Variants in ASTN2 observed in about 807,000 individuals in gnomAD.
ASTN2 encodes astrotactin-2.
Under a neutral mutation model 139.8 loss-of-function variants are expected in ASTN2, and 54 were observed. The ratio of observed to expected loss-of-function variants is 0.39; its 90% CI spans 0.31 to 0.48. The LOEUF (loss-of-function observed/expected upper bound fraction) is 0.48, where lower values mean the gene tolerates loss of function less well. Among genes scored for constraint, ASTN2 ranks in the 20% least tolerant of loss-of-function variants. The pLI is 0.95. For synonymous variants in ASTN2, 756 were observed against 719.5 expected (o/e 1.05, Z -0.81); for missense variants, 1,565 against 1,725.1 (o/e 0.91, Z 1.64).
At chr9:116,706,873 A>C (rs562771948) in intron 16 of ASTN2, among the ~76,000 whole-genome samples, 33 of 146,946 alleles carry the variant, frequency 2.2e-4, no homozygotes, top group African/African-American at 7.1e-4. Context: ...AGATGTGCTC[A>C]GCTAAGTTGG....
intron 22 of ASTN2, among the ~76,000 whole-genome samples, chr9:116,438,090 G>T (rs1847715287): frequency 6.6e-6 from 1 of 152,164 alleles, no homozygotes; most frequent in African/African-American, 2.4e-5. Flanking sequence ...TGGTCATTTT[G>T]AAGTTTTTAA....
chr9:116,738,109 G>A (rs557178380), intron 13 of ASTN2, among the ~76,000 whole-genome samples: 8 of 149,032 alleles, frequency 5.4e-5, no homozygotes, highest in South Asian at 2.2e-4. Flanking sequence ...GGAGAATGGC[G>A]TGAACCCGGG....
At chr9:117,164,425 A>T (rs1344192912) in intron 3 of ASTN2, among the ~76,000 whole-genome samples, 1 of 152,120 alleles carries the variant, frequency 6.6e-6, no homozygotes, top group Non-Finnish European at 1.5e-5. Context: ...AGTGAACAGA[A>T]GCCTGGAGGA....
At chr9:117,090,754 G>A (rs1465479813) in intron 5 of ASTN2, among the ~76,000 whole-genome samples, 1 of 152,222 alleles carries the variant, frequency 6.6e-6, no homozygotes, top group Non-Finnish European at 1.5e-5. Flanking sequence ...CCACATGGAA[G>A]GGATGACAAG....
rs1834340587 is a variant in ASTN2, at chr9:116,912,493, G to A, written c.1890-48760C>T. On this transcript the variant is annotated intron_variant, in intron 10 of 22. Transcript: ENST00000313400. ...AAGAACTTCTCATGTTTAATTTATA[G>A]GCTGGTTTAGGTAGTTGAATTTTAA... Among the ~76,000 whole-genome samples, 6 of 152,322 alleles carry A rather than the reference G, an allele frequency of 3.9e-5. No homozygotes were observed. The South Asian group carries it at 1.2e-3, about 32-fold the overall frequency.
intron 11 of ASTN2, among the ~76,000 whole-genome samples, chr9:116,834,121 T>G (rs192946487): frequency 6.6e-6 from 1 of 152,364 alleles, no homozygotes; most frequent in African/African-American, 2.4e-5. Context: ...GCTCTGTTAT[T>G]GCTTTCTTGT....
At chr9:116,996,686 C>T (rs899180284) in intron 7 of ASTN2, among the ~76,000 whole-genome samples, 1 of 152,016 alleles carries the variant, frequency 6.6e-6, no homozygotes, top group African/African-American at 2.4e-5. Context: ...GAAATGACTC[C>T]CCATTAACAA....
intron 3 of ASTN2, among the ~76,000 whole-genome samples, chr9:117,144,262 G>A (rs369623080): frequency 3.3e-5 from 5 of 152,112 alleles, no homozygotes; most frequent in South Asian, 2.1e-4. Context: ...CCAGAAGTAC[G>A]AGAAAATAAA....
At chr9:117,111,032 G>A (rs78600848) in intron 4 of ASTN2, among the ~76,000 whole-genome samples, 1,650 of 152,276 alleles carry the variant, frequency 0.011, 26 homozygotes, top group East Asian at 0.09. Flanking sequence ...AATAAAACAC[G>A]GAGATTTGAG....
chr9:116,826,599 C>T (rs1278437119), intron 11 of ASTN2, among the ~76,000 whole-genome samples: 4 of 152,118 alleles, frequency 2.6e-5, no homozygotes, highest in South Asian at 4.2e-4. Flanking sequence ...GGTTGCTCTA[C>T]CACCATCATT....
At chr9:116,450,363 A>G (rs1479615267) in intron 20 of ASTN2, among the ~76,000 whole-genome samples, 2 of 152,216 alleles carry the variant, frequency 1.3e-5, no homozygotes, top group Non-Finnish European at 2.9e-5. Context: ...TACTGAATGT[A>G]GTATCATTTG....
At chr9:116,793,067 A>G (rs1293000997) in intron 13 of ASTN2, among the ~76,000 whole-genome samples, 3 of 152,114 alleles carry the variant, frequency 2.0e-5, no homozygotes, top group Non-Finnish European at 4.4e-5. Context: ...TACCCAGGTA[A>G]AAAACCTGCA....
intron 13 of ASTN2, among the ~76,000 whole-genome samples, chr9:116,795,443 A>G (rs868480809): frequency 6.6e-6 from 1 of 152,116 alleles, no homozygotes; most frequent in African/African-American, 2.4e-5. Flanking sequence ...GTTCAGACAG[A>G]AAAAAAAGGA....
intron 19 of ASTN2, among the ~76,000 whole-genome samples, chr9:116,492,083 CTCT>C (rs1849532663): frequency 6.8e-6 from 1 of 147,824 alleles, no homozygotes; most frequent in Non-Finnish European, 1.5e-5. Flanking sequence ...TTGTTTTTCT[CTCT>C]TTTTTTTTTT....
At chr9:116,838,644 C>G (rs1310452082) in intron 11 of ASTN2, among the ~76,000 whole-genome samples, 2 of 147,574 alleles carry the variant, frequency 1.4e-5, no homozygotes, top group African/African-American at 5.0e-5. Context: ...AGGCTGATCT[C>G]GAACTCCTGA....
chr9:116,573,966 A>G (rs773831199), intron 19 of ASTN2, among the ~76,000 whole-genome samples: 3 of 152,232 alleles, frequency 2.0e-5, no homozygotes, highest in Non-Finnish European at 4.4e-5. Context: ...GGTATAAAAA[A>G]TGTGGACAAG....
intron 2 of ASTN2, 25 bp downstream of exon 2, chr9:117,291,301 C>T (rs768503025): frequency 5.0e-6 from 8 of 1,613,284 alleles, no homozygotes; most frequent in Non-Finnish European, 5.9e-6. Flanking sequence ...ATCCCCGACC[C>T]CGGTCACATC....
At chr9:117,002,226 C>A (rs1049277633) in intron 7 of ASTN2, among the ~76,000 whole-genome samples, 4 of 152,142 alleles carry the variant, frequency 2.6e-5, no homozygotes, top group African/African-American at 9.7e-5. Context: ...CAAACAGTAA[C>A]TCAAGTTTTA....
At chr9:117,413,995 G>A (rs1437957715) in intron 1 of ASTN2, among the ~76,000 whole-genome samples, 1 of 152,204 alleles carries the variant, frequency 6.6e-6, no homozygotes, top group Non-Finnish European at 1.5e-5. Flanking sequence ...TGCGGGTTGA[G>A]CGATTCCACA....
Sources: allele counts gnomAD v4.1 joint callset (sites outside exome capture counted in the v4.1 genomes callset), GRCh38; gene constraint gnomAD v4.1.1; transcripts MANE v1.5; gene names NCBI Gene and HGNC (gene_info 2026-07-23, HGNC 2026-07-21).